AQP3: variants seen among roughly 807,000 people sequenced by gnomAD.
AQP3 encodes aquaporin-3.
In AQP3, 15 loss-of-function variants were observed where a neutral mutation model predicts 30.3. That is an observed-to-expected ratio of 0.49 (90% CI 0.33 to 0.76). The LOEUF is 0.76. Among genes scored for constraint, AQP3 ranks in the 30% least tolerant of loss-of-function variants. The pLI is 0.02. For missense variants in AQP3, 272 were observed against 384.8 expected (o/e 0.71, Z 2.45); for synonymous variants, 153 against 163.2 (o/e 0.94, Z 0.47).
chr9:33,444,015 C>G, intron 1 of AQP3, 123 bp from the exon 2 acceptor site: 1 of 1,292,156 alleles, frequency 7.7e-7, no homozygotes, highest in Non-Finnish European at 1.1e-6. Flanking sequence ...CTTCCTGGAA[C>G]CCAGCCCAAA....
Position 33,443,647 on chromosome 9 carries a change from C to G in AQP3, c.235+119G>C. ...TCTAAGTGTCAAGTTTCTTCTCCACCCTCCTTTCCCAAGGGGCCAAAGCAG... is the reference window on the plus strand; with the variant it reads ...TCTAAGTGTCAAGTTTCTTCTCCACGCTCCTTTCCCAAGGGGCCAAAGCAG... On this transcript the variant is annotated intron_variant, in intron 2 of 5. Transcript: ENST00000297991. This position sits in a 1 kb window ranked among gnomAD's most constrained non-coding sequence, Gnocchi z 5.0. The G allele has an allele frequency of 6.5e-7, 1 of 1,535,458 alleles. No individual in the cohort carries two copies. The highest frequency in any genetic ancestry group is 2.3e-5 in the East Asian group (1 of 43,912).
At chr9:33,445,496 G>A (rs914790495) in intron 1 of AQP3, among the ~76,000 whole-genome samples, 1 of 152,196 alleles carries the variant, frequency 6.6e-6, no homozygotes, top group Non-Finnish European at 1.5e-5. Context: ...GAGATTGCAG[G>A]TGTATGTGTG....
intron 4 of AQP3, 73 bp from the exon 5 acceptor site, chr9:33,442,591 T>C: frequency 7.0e-7 from 1 of 1,433,562 alleles, no homozygotes; most frequent in South Asian, 1.2e-5. Context: ...TCCCCCGTCT[T>C]CCCTCTAGCT....
At chr9:33,444,094 A>C (rs772092166) in intron 1 of AQP3, among the ~76,000 whole-genome samples, 1 of 152,164 alleles carries the variant, frequency 6.6e-6, no homozygotes, top group Non-Finnish European at 1.5e-5. Flanking sequence ...TCCCAACTCT[A>C]ATATGAGAGG....
At position 33,443,913 on chromosome 9, in the gene AQP3, C is replaced by A; in HGVS notation, c.109-21G>T. On this transcript the variant is annotated intron_variant, in intron 1 of 5. Transcript: ENST00000297991. This position sits in a 1 kb window ranked among gnomAD's most constrained non-coding sequence, Gnocchi z 5.0. ...AACATCTGTCAGGAAGAAGAACAGG[C>A]AGGGAGGGTGAGGACCAGCAACTCT... 1 of 1,611,040 alleles carries A rather than the reference C, an allele frequency of 6.2e-7. No homozygotes were observed. Among genetic ancestry groups the A allele is most frequent in the East Asian group, 2.2e-5 (1 of 44,800 alleles).
At chr9:33,445,820 T>TAGGC (rs1458594238) in intron 1 of AQP3, among the ~76,000 whole-genome samples, 20 of 152,306 alleles carry the variant, frequency 1.3e-4, no homozygotes, top group African/African-American at 4.8e-4. Flanking sequence ...AACACGCAGG[T>TAGGC]AGGCAGGCAG....
chr9:33,447,383 G>A (rs1349963965), intron 1 of AQP3, 40 bp downstream of exon 1: 4 of 1,511,222 alleles, frequency 2.6e-6, no homozygotes, highest in Middle Eastern at 3.4e-4. Context: ...GGAGTGCAAG[G>A]GCTGGAGAGA....
rs7847830 is a variant in AQP3, at chr9:33,444,078, C to A, written c.109-186G>T. On this transcript the variant is annotated intron_variant, in intron 1 of 5. Coordinates refer to ENST00000297991, the MANE Select transcript of AQP3 (RefSeq NM_004925.5). ...GAAAAAGGACACATGCCTTCCCACC[C>A]CACTGTCCCAACTCTAATATGAGAG... Among the ~76,000 whole-genome samples, 509 of 152,340 alleles carry A rather than the reference C, an allele frequency of 3.3e-3. 3 individuals are homozygous for A. Among genetic ancestry groups the A allele is most frequent in the African/African-American group, 0.011 (467 of 41,576 alleles).
In AQP3 at chr9:33,443,243, C is replaced by A; in HGVS notation, c.373+78G>T. 1 of 1,540,546 alleles carries A rather than the reference C, an allele frequency of 6.5e-7. No individual in the cohort carries two copies. Among genetic ancestry groups the A allele is most frequent in the South Asian group, 1.2e-5 (1 of 83,664 alleles). On this transcript the variant is annotated intron_variant, in intron 3 of 5. Coordinates refer to ENST00000297991, the MANE Select transcript of AQP3 (RefSeq NM_004925.5). The surrounding 1 kb of genome is among the most constrained non-coding windows in gnomAD (Gnocchi z 5.0). ...GCCTGGGCAGGTCCTAGCCGTCTGTCATCAAAAGGCCTGGTGCCAGCAGGT... is the reference window on the plus strand; with the variant it reads ...GCCTGGGCAGGTCCTAGCCGTCTGTAATCAAAAGGCCTGGTGCCAGCAGGT...
intron 1 of AQP3, among the ~76,000 whole-genome samples, chr9:33,444,997 T>C (rs755266109): frequency 6.6e-6 from 1 of 152,138 alleles, no homozygotes; most frequent in African/African-American, 2.4e-5. Flanking sequence ...CCTGGTGTTC[T>C]ACAAATATAG....
chr9:33,442,049 C>T lies in AQP3; in HGVS notation c.873G>A (p.Gln291=), dbSNP rs1826842845. ...GGAGATGGCCCCTGCCCACTCAGAT[C>T]TGCTCCTTGTGCTTCACATGGGCCA... ...VKLAHVKHKE[Q]I The change falls in exon 6 of 6, where the codon CAG becomes CAA. Residue 291 remains glutamine (Q), a synonymous_variant. Transcript: ENST00000297991. 1 of 1,613,558 alleles carries T rather than the reference C, an allele frequency of 6.2e-7. No individual in the cohort carries two copies. The highest frequency in any genetic ancestry group is 1.7e-5 in the Admixed American group (1 of 59,974).
Position 33,443,568 on chromosome 9 carries a change from G to A in AQP3, c.236-110C>T. 1 of 1,489,068 alleles carries A rather than the reference G, an allele frequency of 6.7e-7. No homozygotes were observed. 92.2% of individuals were successfully genotyped at this position (1,489,068 alleles called of 1,614,324 possible). A position where few individuals can be genotyped will look rare whatever the true frequency, so the allele number is the denominator to read the frequency against. On this transcript the variant is annotated intron_variant, in intron 2 of 5. Coordinates refer to ENST00000297991, the MANE Select transcript of AQP3 (RefSeq NM_004925.5). This position sits in a 1 kb window ranked among gnomAD's most constrained non-coding sequence, Gnocchi z 5.0. ...GGTTTCTTGCACAGGATGGCGGTTG[G>A]TCTATGTAACAGGTCAGCTGATAAT...
rs539196703 is a variant in AQP3 at position 33,443,109 on chromosome 9, C to T, written c.374-139G>A. 31 of 962,974 alleles carry T rather than the reference C, an allele frequency of 3.2e-5. No individual in the cohort carries two copies. The East Asian group carries it at 3.6e-4, about 11-fold the overall frequency. 59.7% of individuals were successfully genotyped at this position (962,974 alleles called of 1,614,324 possible). A position where few individuals can be genotyped will look rare whatever the true frequency, so the allele number is the denominator to read the frequency against. The stretch of plus-strand genomic sequence containing the variant: ...GTATTGCAGCAGGCAGAGGGGGTGG[C>T]GTGGGGTGGGGTGGAGGGCCTGAGA... On this transcript the variant is annotated intron_variant, in intron 3 of 5. Coordinates refer to ENST00000297991, the MANE Select transcript of AQP3 (RefSeq NM_004925.5). The surrounding 1 kb of genome is among the most constrained non-coding windows in gnomAD (Gnocchi z 5.0).
chr9:33,443,137 CTG>C lies in AQP3; in HGVS notation c.374-169_374-168del. On this transcript the variant is annotated intron_variant, in intron 3 of 5. Coordinates refer to ENST00000297991, the MANE Select transcript of AQP3 (RefSeq NM_004925.5). The surrounding 1 kb of genome is among the most constrained non-coding windows in gnomAD (Gnocchi z 5.0). ...GGGGTGGGGTGGAGGGCCTGAGACT[CTG>C]TTATTGCCCAACTTGTTTCTTTCCC... The C allele has an allele frequency of 9.1e-7, 1 of 1,100,514 alleles. No homozygotes were observed. Among genetic ancestry groups the C allele is most frequent in the Non-Finnish European group, 1.3e-6 (1 of 749,800 alleles). 68.2% of individuals were successfully genotyped at this position (1,100,514 alleles called of 1,614,324 possible).
chr9:33,442,227 C>A lies in AQP3; in HGVS notation c.711-16G>T, dbSNP rs1488351223. The A allele has an allele frequency of 1.2e-6, 2 of 1,612,220 alleles. No homozygotes were observed. The highest frequency in any genetic ancestry group is 1.7e-6 in the Non-Finnish European group (2 of 1,179,452). ...CTGGCCGGTCCTGGGGGGACAGACA[C>A]TCATAGTCAGGGACATGGGGGGCAG... On this transcript the variant is annotated splice_polypyrimidine_tract_variant and intron_variant, in intron 5 of 5. Transcript: ENST00000297991.
chr9:33,442,147 A>C lies in AQP3; in HGVS notation c.775T>G (p.Phe259Val). ...SPLLGSIAGVFVYQLMIGCHL... is the reference protein window; with the variant it reads ...SPLLGSIAGVVVYQLMIGCHL... The stretch of plus-strand genomic sequence containing the variant: ...CAGCCGATCATCAGCTGGTACACGA[A>C]GACACCCGCAATGGAGCCCAGGAGT... Residue 259 changes from phenylalanine to valine, a missense_variant, in exon 6 of 6, where the codon TTC becomes GTC. Coordinates refer to ENST00000297991, the MANE Select transcript of AQP3 (RefSeq NM_004925.5). 4.3e-6 allele frequency: 7 copies of C among 1,613,410 alleles called. No individual in the cohort carries two copies. Among genetic ancestry groups the C allele is most frequent in the Non-Finnish European group, 5.9e-6 (7 of 1,180,012 alleles).
rs774972543 is a variant in AQP3, at chr9:33,442,953, C to T, written c.391G>A (p.Ala131Thr). The T allele has an allele frequency of 6.2e-7, 1 of 1,614,046 alleles. No homozygotes were observed. The highest frequency in any genetic ancestry group is 1.3e-5 in the African/African-American group (1 of 74,920). The change falls in exon 4 of 6, where the codon GCC becomes ACC. Residue 131 changes from alanine to threonine, a missense_variant. Transcript: ENST00000297991. The part of the protein sequence containing the change: ...GLYYDAIWHF[A>T]DNQLFVSGPN... ...CCCGAAACAAAAAGCTGGTTGTCGG[C>T]GAAGTGCCAGATTGCATCTGGTGAC...
At position 33,442,007 on chromosome 9, in the gene AQP3, C is replaced by A; in HGVS notation, c.*36G>T. The stretch of plus-strand genomic sequence containing the variant: ...TTGGACAGTCAGTGGATGCTCAAGG[C>A]CAGGGCAGCGGAGTGGGGAGATGGC... On this transcript the variant is annotated 3_prime_UTR_variant, in exon 6 of 6. Coordinates refer to ENST00000297991, the MANE Select transcript of AQP3 (RefSeq NM_004925.5). The A allele has an allele frequency of 6.2e-7, 1 of 1,606,030 alleles. No individual in the cohort carries two copies. The highest frequency in any genetic ancestry group is 8.5e-7 in the Non-Finnish European group (1 of 1,175,310).
chr9:33,446,488 A>G (rs35806926), intron 1 of AQP3, among the ~76,000 whole-genome samples: 1,787 of 152,324 alleles, frequency 0.012, 21 homozygotes, highest in African/African-American at 0.04. Context: ...ACACAGAGGA[A>G]AACAGGTGTA....
Sources: gnomAD v4.1 joint callset for allele counts (sites outside exome capture counted in the v4.1 genomes callset) on GRCh38, gnomAD v4.1.1 for gene constraint, Gnocchi (gnomAD v3.1) non-coding constraint, MANE v1.5 for transcripts, NCBI Gene and HGNC (gene_info 2026-07-23, HGNC 2026-07-21) for gene names.